KCNN2: variants seen among roughly 807,000 people sequenced by gnomAD.
KCNN2 encodes the protein potassium calcium-activated channel subfamily N member 2.
A neutral mutation model predicts 55.5 loss-of-function variants in KCNN2; 24 were observed. That is an observed-to-expected ratio of 0.43 (90% CI 0.31 to 0.61). KCNN2 has a LOEUF of 0.61. Among genes scored for constraint, KCNN2 ranks in the 20% least tolerant of loss-of-function variants. The pLI, the probability that KCNN2 is intolerant of heterozygous loss-of-function variation, is 0.08. For missense variants in KCNN2, 754 were observed against 853.6 expected (o/e 0.88, Z 1.45); for synonymous variants, 431 against 336.1 (o/e 1.28, Z -3.09).
chr5:114,480,995 A>G (rs1046419022), intron 5 of KCNN2, among the ~76,000 whole-genome samples: 6 of 152,294 alleles, frequency 3.9e-5, no homozygotes, highest in Admixed American at 3.3e-4. Context: ...TCAACATAGT[A>G]TGGGAAGTTC....
At chr5:114,267,563 T>A (rs1310049846) in intron 2 of KCNN2, among the ~76,000 whole-genome samples, 1 of 152,112 alleles carries the variant, frequency 6.6e-6, no homozygotes. Flanking sequence ...GGAGATAAAA[T>A]ATATTTAGAA....
At chr5:114,203,629 T>C (rs1277257435) in intron 1 of KCNN2, among the ~76,000 whole-genome samples, 1 of 152,160 alleles carries the variant, frequency 6.6e-6, no homozygotes, top group Middle Eastern at 3.2e-3. Flanking sequence ...GAGAAAGATA[T>C]TGTGGAAGAA....
chr5:114,266,746 G>A (rs947694815), intron 2 of KCNN2, among the ~76,000 whole-genome samples: 2 of 152,136 alleles, frequency 1.3e-5, no homozygotes, highest in South Asian at 4.1e-4. Context: ...CACACCATTT[G>A]AGGGGAACAT....
At chr5:114,473,365 C>A in intron 5 of KCNN2, 1 of 564,972 alleles carries the variant, frequency 1.8e-6, no homozygotes, top group Non-Finnish European at 3.1e-6. Flanking sequence ...ATTGGGCAGT[C>A]TTGGTATTTG....
At chr5:114,149,491 C>T (rs190457052) in intron 1 of KCNN2, among the ~76,000 whole-genome samples, 736 of 152,128 alleles carry the variant, frequency 4.8e-3, no homozygotes, top group Non-Finnish European at 8.3e-3. Context: ...CTTCTGGTCC[C>T]GTGATGCCGC....
At chr5:114,287,753 AAT>A (rs1491490107) in intron 2 of KCNN2, among the ~76,000 whole-genome samples, 1 of 130,194 alleles carries the variant, frequency 7.7e-6, no homozygotes, top group Non-Finnish European at 1.7e-5. Flanking sequence ...TCAGAACTTA[AAT>A]AAAAAAAAAA....
At chr5:114,142,658 G>A (rs2112506932) in intron 1 of KCNN2, among the ~76,000 whole-genome samples, 1 of 152,180 alleles carries the variant, frequency 6.6e-6, no homozygotes, top group Non-Finnish European at 1.5e-5. Context: ...CAACTTACAA[G>A]GGATGTGAAG....
intron 2 of KCNN2, among the ~76,000 whole-genome samples, chr5:114,259,286 A>G (rs1380473081): frequency 6.6e-6 from 1 of 152,060 alleles, no homozygotes; most frequent in African/African-American, 2.4e-5. Context: ...ACCACTCAGA[A>G]CCCTCAGGTC....
intron 2 of KCNN2, among the ~76,000 whole-genome samples, chr5:114,327,777 T>C (rs987347701): frequency 4.6e-5 from 7 of 152,206 alleles, no homozygotes; most frequent in African/African-American, 1.4e-4. Flanking sequence ...ATTTTTGATA[T>C]TCACTTTTAA....
rs187133667 is a variant in KCNN2, at chr5:114,392,230, C to T, written c.1219-12208C>T. On this transcript the variant is annotated intron_variant, in intron 2 of 7. Transcript: ENST00000673685. ...TTATTATTAAAATGACTTTCTGAAA[C>T]AGCAAATAACATTATCTCCATTTTT... Among the ~76,000 whole-genome samples the T allele has an allele frequency of 3.3e-3, 502 of 152,250 alleles. 2 individuals are homozygous for T. The highest frequency in any genetic ancestry group is 5.5e-3 in the Non-Finnish European group (376 of 67,994).
chr5:114,472,388 T>A lies in KCNN2; in HGVS notation c.1780-666T>A, dbSNP rs17458477. Among the ~76,000 whole-genome samples, 643 of 152,324 alleles carry A rather than the reference T, an allele frequency of 4.2e-3. 3 individuals carry two copies. The highest frequency in any genetic ancestry group is 6.0e-3 in the Non-Finnish European group (406 of 68,032). Reference sequence around the variant, plus strand: ...ATTCAAAAAGGAACACTGTTGGTTTTTTCAAAATGAAGATGACCCGTGCCT... The same window carrying A: ...ATTCAAAAAGGAACACTGTTGGTTTATTCAAAATGAAGATGACCCGTGCCT... On this transcript the variant is annotated intron_variant, in intron 4 of 7. Transcript: ENST00000673685.
intron 1 of KCNN2, among the ~76,000 whole-genome samples, chr5:114,060,911 C>G (rs1297653430): frequency 2.0e-5 from 3 of 152,252 alleles, no homozygotes; most frequent in Non-Finnish European, 2.9e-5. Context: ...AATTCAGCCT[C>G]CTTACTCAGT....
At chr5:114,313,521 G>C (rs1561567085) in intron 2 of KCNN2, among the ~76,000 whole-genome samples, 1 of 152,132 alleles carries the variant, frequency 6.6e-6, no homozygotes, top group South Asian at 2.1e-4. Context: ...GTGCTGACGT[G>C]TGGACAAAGA....
At chr5:114,264,208 C>G (rs953499321) in intron 2 of KCNN2, among the ~76,000 whole-genome samples, 10 of 152,060 alleles carry the variant, frequency 6.6e-5, no homozygotes, top group African/African-American at 7.3e-5. Flanking sequence ...TTCTATGACT[C>G]TGTATGCATG....
intron 1 of KCNN2, among the ~76,000 whole-genome samples, chr5:114,098,225 G>A (rs1025584803): frequency 1.9e-4 from 29 of 151,972 alleles, no homozygotes; most frequent in Admixed American, 1.8e-3. Flanking sequence ...CCATCTCAAG[G>A]TTCTTCACTT....
intron 2 of KCNN2, among the ~76,000 whole-genome samples, chr5:114,367,502 A>G (rs1487315772): frequency 2.6e-5 from 4 of 152,240 alleles, no homozygotes; most frequent in Non-Finnish European, 5.9e-5. Flanking sequence ...ATAAATGCCT[A>G]TGTATCATGA....
chr5:114,077,978 C>G (rs867593379), intron 1 of KCNN2, among the ~76,000 whole-genome samples: 3 of 152,110 alleles, frequency 2.0e-5, no homozygotes, highest in African/African-American at 4.8e-5. Flanking sequence ...GCTTTTCTTT[C>G]TGGGCATAGT....
intron 3 of KCNN2, among the ~76,000 whole-genome samples, chr5:114,453,339 C>A (rs1035645634): frequency 1.3e-5 from 2 of 152,224 alleles, no homozygotes; most frequent in African/African-American, 4.8e-5. Context: ...TTCCTCCCAA[C>A]ACACATACAC....
intron 1 of KCNN2, among the ~76,000 whole-genome samples, chr5:114,190,048 G>A (rs1561515672): frequency 6.6e-6 from 1 of 151,848 alleles, no homozygotes; most frequent in Non-Finnish European, 1.5e-5. Context: ...AAAACAAGAT[G>A]AAAAAATAAA....
Sources: gnomAD v4.1 joint callset for allele counts (sites outside exome capture counted in the v4.1 genomes callset) on GRCh38, gnomAD v4.1.1 for gene constraint, MANE v1.5 for transcripts, NCBI Gene and HGNC (gene_info 2026-07-23, HGNC 2026-07-21) for gene names.